Variants in FBN2 observed in about 807,000 individuals in gnomAD.
FBN2 encodes the protein fibrillin 2.
A neutral mutation model predicts 355.6 loss-of-function variants in FBN2; 105 were observed. The ratio of observed to expected loss-of-function variants is 0.30; its 90% CI spans 0.25 to 0.35. The LOEUF (loss-of-function observed/expected upper bound fraction) is 0.35. Among genes scored for constraint, FBN2 ranks in the 10% least tolerant of loss-of-function variants. FBN2 has a pLI of 1.00. For missense variants in FBN2, 3,280 were observed against 3,758.7 expected, an observed-to-expected ratio of 0.87 and a Z score of 3.33; for synonymous variants, 1,350 against 1,301.2, an observed-to-expected ratio of 1.04 and a Z score of -0.81.
At chr5:128,410,998 AC>A (rs900870198) in intron 7 of FBN2, among the ~76,000 whole-genome samples, 1 of 152,122 alleles carries the variant, frequency 6.6e-6, no homozygotes, top group Non-Finnish European at 1.5e-5. Flanking sequence ...ACTGACCAAA[AC>A]CCCTGCATTT....
intron 19 of FBN2, 87 bp from the exon 20 acceptor site, chr5:128,357,482 T>C (rs1241661928): frequency 6.5e-7 from 1 of 1,532,096 alleles, no homozygotes; most frequent in Non-Finnish European, 9.0e-7. Context: ...TGCCAGAATG[T>C]CTGGTAAACT....
At position 128,261,732 on chromosome 5, in the gene FBN2, T is replaced by A; in HGVS notation, c.8364+4A>T. 1 of 1,614,060 alleles carries A rather than the reference T, an allele frequency of 6.2e-7. No homozygotes were observed. The highest frequency in any genetic ancestry group is 8.5e-7 in the Non-Finnish European group (1 of 1,179,882). ...TGTGGCAACACAGAGTGGGATATAC[T>A]CACAGCAGTGGGATCAGGTTCATGA... is the stretch of plus-strand genomic sequence containing the variant. On this transcript the variant is annotated splice_donor_region_variant and intron_variant, in intron 64 of 64. Transcript: ENST00000262464.
intron 51 of FBN2, among the ~76,000 whole-genome samples, chr5:128,289,479 T>C (rs1348630181): frequency 6.6e-6 from 1 of 151,870 alleles, no homozygotes; most frequent in East Asian, 1.9e-4. Context: ...TCCCAGCTAC[T>C]TGGGGAGACT....
intron 11 of FBN2, among the ~76,000 whole-genome samples, chr5:128,381,728 T>C (rs568886070): frequency 6.6e-6 from 1 of 152,230 alleles, no homozygotes; most frequent in Non-Finnish European, 1.5e-5. Context: ...TGATGAGGTA[T>C]ATCTATCACT....
Position 128,259,818 on chromosome 5 carries a change from G to T in FBN2, c.8376C>A (p.Ile2792=). ...TGTCCATGTCGACACTCTCTAGGCT[G>T]ATCTGTTCAACCTGGAGGAAGAACA... The part of the protein sequence containing the change: ...HEPDPTAVEQ[I]SLESVDMDSP... The change falls in exon 65 of 65, where the codon ATC becomes ATA. Residue 2792 remains isoleucine, a synonymous_variant. Coordinates refer to ENST00000262464, the MANE Select transcript of FBN2 (RefSeq NM_001999.4). 1 of 1,613,548 alleles carries T rather than the reference G, an allele frequency of 6.2e-7. No individual in the cohort carries two copies. The highest frequency in any genetic ancestry group is 1.1e-5 in the South Asian group (1 of 91,034).
intron 5 of FBN2, among the ~76,000 whole-genome samples, chr5:128,481,985 A>T (rs1755205992): frequency 6.6e-6 from 1 of 152,184 alleles, no homozygotes; most frequent in Non-Finnish European, 1.5e-5. Context: ...TTTTGGGGGC[A>T]AACTAAACTG....
chr5:128,369,397 A>G, intron 15 of FBN2, 63 bp from the exon 16 acceptor site: 1 of 1,570,866 alleles, frequency 6.4e-7, no homozygotes, highest in Non-Finnish European at 8.7e-7. Context: ...TTCGAAACAG[A>G]AGGCTTCTTT....
intron 5 of FBN2, among the ~76,000 whole-genome samples, chr5:128,492,948 A>G (rs1163220110): frequency 2.6e-5 from 4 of 152,188 alleles, no homozygotes; most frequent in Admixed American, 2.0e-4. Flanking sequence ...GTGCAAAACC[A>G]TATAATGAAA....
chr5:128,377,523 G>A (rs1201667870), intron 13 of FBN2, among the ~76,000 whole-genome samples: 1 of 149,718 alleles, frequency 6.7e-6, no homozygotes, highest in African/African-American at 2.5e-5. Context: ...ATTATTCACT[G>A]TTATAACATC....
intron 5 of FBN2, among the ~76,000 whole-genome samples, chr5:128,498,568 A>G (rs1249438116): frequency 6.6e-6 from 1 of 152,202 alleles, no homozygotes; most frequent in Admixed American, 6.5e-5. Flanking sequence ...CAAATTATTT[A>G]TATTTTTACA....
At chr5:128,466,277 A>T (rs1026915340) in intron 5 of FBN2, among the ~76,000 whole-genome samples, 5 of 152,180 alleles carry the variant, frequency 3.3e-5, no homozygotes, top group African/African-American at 9.7e-5. Context: ...CAGTTTATTA[A>T]TTCTTGGGAA....
chr5:128,274,795 T>A, intron 59 of FBN2, 112 bp from the exon 60 acceptor site: 1 of 771,682 alleles, frequency 1.3e-6, no homozygotes, highest in Non-Finnish European at 2.3e-6. Context: ...TTGTCTAGAT[T>A]TTTGCTGGAA....
Position 128,510,787 on chromosome 5 carries a change from C to G in FBN2, c.628+8486G>C, listed in dbSNP as rs1198361257. Among the ~76,000 whole-genome samples, 4 of 152,236 alleles carry G rather than the reference C, an allele frequency of 2.6e-5. No individual in the cohort carries two copies. In the East Asian group the frequency reaches 5.8e-4, roughly 22 times the overall value. On this transcript the variant is annotated intron_variant, in intron 5 of 64. Transcript: ENST00000262464. ...TCAATGGTATCATGTGCCTTGTTAT[C>G]AGTACTCATATTGAACTGACACAAT...
chr5:128,434,394 G>GTATATATGTATATATATATATA, intron 7 of FBN2, among the ~76,000 whole-genome samples: 1 of 91,680 alleles, frequency 1.1e-5, no homozygotes, highest in South Asian at 3.8e-4. Context: ...AATAAAGTGT[G>GTATATATGTATATATATATATA]TATATATATA....
At chr5:128,362,459 T>C (rs972801107) in intron 18 of FBN2, among the ~76,000 whole-genome samples, 1 of 152,184 alleles carries the variant, frequency 6.6e-6, no homozygotes, top group African/African-American at 2.4e-5. Flanking sequence ...AAGCCCACAA[T>C]GAGTTTTTTG....
chr5:128,502,522 A>T (rs1246255841), intron 5 of FBN2, among the ~76,000 whole-genome samples: 1 of 152,174 alleles, frequency 6.6e-6, no homozygotes, highest in Admixed American at 6.5e-5. Flanking sequence ...ATTATACACA[A>T]TAAGAAGGCA....
chr5:128,502,228 G>T (rs1755837811), intron 5 of FBN2, among the ~76,000 whole-genome samples: 1 of 149,382 alleles, frequency 6.7e-6, no homozygotes, highest in African/African-American at 2.5e-5. Context: ...CAAAATTAAG[G>T]AAGAAGTCTA....
Position 128,338,916 on chromosome 5 carries a change from G to T in FBN2, c.3472+17C>A, listed in dbSNP as rs747730357. ...AGTATGGTTTCAAGCTGGCGAGGAA[G>T]AGCTCACGGTGCTTACCCATGCAGT... On this transcript the variant is annotated intron_variant, in intron 26 of 64. Transcript: ENST00000262464. The T allele has an allele frequency of 6.3e-5, 101 of 1,613,374 alleles. No individual in the cohort carries two copies. The highest frequency in any genetic ancestry group is 8.1e-5 in the Non-Finnish European group (96 of 1,179,554).
intron 6 of FBN2, among the ~76,000 whole-genome samples, chr5:128,459,674 A>C (rs55647544): frequency 0.025 from 3,842 of 152,332 alleles, 146 homozygotes; most frequent in African/African-American, 0.088. Flanking sequence ...CAAATCAATA[A>C]ACGTAATCCA....
Sources: gnomAD v4.1 joint callset for allele counts (sites outside exome capture counted in the v4.1 genomes callset) on GRCh38, gnomAD v4.1.1 for gene constraint, MANE v1.5 for transcripts, NCBI Gene and HGNC (gene_info 2026-07-23, HGNC 2026-07-21) for gene names.